The following RUNX3 variants were observed in gnomAD, a reference collection of about 807,000 sequenced individuals.
RUNX3 encodes RUNX family transcription factor 3.
RUNX3 carries 10 observed loss-of-function variants against 27.7 expected under a neutral mutation model. The ratio of observed to expected loss-of-function variants is 0.36; its 90% CI spans 0.22 to 0.61. RUNX3 has a LOEUF of 0.61. Ranked by LOEUF, RUNX3 falls within the 20% of genes least tolerant of loss-of-function variation. The pLI is 0.72. For missense variants in RUNX3, 469 were observed against 629.5 expected, an observed-to-expected ratio of 0.75 and a Z score of 2.73; for synonymous variants, 270 against 269.2, an observed-to-expected ratio of 1.00 and a Z score of -0.03.
chr1:24,917,854 CT>C (rs1447231082), intron 3 of RUNX3, among the ~76,000 whole-genome samples: 4 of 152,202 alleles, frequency 2.6e-5, no homozygotes, highest in African/African-American at 9.6e-5. Flanking sequence ...CACCTTGAGA[CT>C]CCTGGAGTCA....
intron 2 of RUNX3, among the ~76,000 whole-genome samples, chr1:24,947,654 G>T (rs1451273795): frequency 1.3e-5 from 2 of 152,196 alleles, no homozygotes; most frequent in African/African-American, 2.4e-5. Context: ...AGGAAGAAGA[G>T]GACAGAAATG....
intron 3 of RUNX3, among the ~76,000 whole-genome samples, chr1:24,908,040 C>A (rs951227550): frequency 1.3e-5 from 2 of 151,738 alleles, no homozygotes; most frequent in African/African-American, 4.9e-5. Flanking sequence ...CAACCACACG[C>A]GGTGATCCGA....
At chr1:24,955,802 C>T (rs1641905282) in intron 2 of RUNX3, among the ~76,000 whole-genome samples, 1 of 152,222 alleles carries the variant, frequency 6.6e-6, no homozygotes, top group Non-Finnish European at 1.5e-5. Flanking sequence ...CTCCACACAT[C>T]ACAGGAATGT....
In RUNX3 at chr1:24,902,742, C is replaced by T; in HGVS notation, c.704-76G>A. The T allele has an allele frequency of 7.6e-7, 1 of 1,321,624 alleles. No individual in the cohort carries two copies. The highest frequency in any genetic ancestry group is 1.0e-6 in the Non-Finnish European group (1 of 981,154). The allele number at this position is 1,321,624 out of a possible 1,614,324, so 81.9% of individuals were successfully genotyped here. Reference sequence around the variant, plus strand: ...GGGCTTCCTGAAGAATGACCTTGGGCTCTGGTTCCCAAGGCCCATCTGGGG... The same window carrying T: ...GGGCTTCCTGAAGAATGACCTTGGGTTCTGGTTCCCAAGGCCCATCTGGGG... On this transcript the variant is annotated intron_variant, in intron 4 of 4. Transcript: ENST00000308873. This position sits in a 1 kb window ranked among gnomAD's most constrained non-coding sequence, Gnocchi z 9.2.
intron 2 of RUNX3, among the ~76,000 whole-genome samples, chr1:24,925,245 C>T (rs1287500363): frequency 2.0e-5 from 3 of 152,080 alleles, no homozygotes; most frequent in East Asian, 1.9e-4. Context: ...CCAGCGGACC[C>T]GGCACCCTCC....
intron 2 of RUNX3, among the ~76,000 whole-genome samples, chr1:24,938,772 A>G (rs937964095): frequency 3.3e-5 from 5 of 152,148 alleles, no homozygotes; most frequent in East Asian, 3.9e-4. Flanking sequence ...TTCAGGACAC[A>G]ATGTTCTGTG....
intron 4 of RUNX3, among the ~76,000 whole-genome samples, chr1:24,903,835 T>G (rs1235313191): frequency 1.3e-5 from 2 of 152,228 alleles, no homozygotes; most frequent in Non-Finnish European, 2.9e-5. Context: ...ACTAGCTTTG[T>G]GTCCTTGGGC....
intron 3 of RUNX3, among the ~76,000 whole-genome samples, chr1:24,914,178 A>C (rs1185221930): frequency 2.0e-5 from 3 of 152,246 alleles, no homozygotes; most frequent in Non-Finnish European, 4.4e-5. Context: ...GCAAGAGGCC[A>C]GCTCAGTGTT....
Position 24,902,422 on chromosome 1 carries a change from CG to C in RUNX3, c.947del (p.Pro316ArgfsTer62). On this transcript the variant is annotated frameshift_variant, in exon 5 of 5. Coordinates refer to ENST00000308873, the MANE Select transcript of RUNX3 (RefSeq NM_004350.3). LOFTEE classifies it high-confidence loss of function. The surrounding 1 kb of genome is among the most constrained non-coding windows in gnomAD (Gnocchi z 9.2). ...CCTGGAAGGGCCCGCTCTGGTTCTG[CG>C]GGGCCCCCGGGTAGGGTGGCGGGAG... ...TYLPPPYPGAPQNQSGPFQAN... is the reference protein window; with the variant it reads ...TYLPPPYPGAXQNQSGPFQAN... 6.2e-7 allele frequency: 1 copy of C among 1,611,338 alleles called. No individual in the cohort carries two copies. The highest frequency in any genetic ancestry group is 8.5e-7 in the Non-Finnish European group (1 of 1,178,630).
At chr1:24,909,086 C>G (rs973691377) in intron 3 of RUNX3, among the ~76,000 whole-genome samples, 1 of 152,144 alleles carries the variant, frequency 6.6e-6, no homozygotes, top group Non-Finnish European at 1.5e-5. Flanking sequence ...GCCTCACATC[C>G]GAGGACTCAG....
rs148138167 is a variant in RUNX3 at position 24,950,946 on chromosome 1, G to A, written c.58+13568C>T. The stretch of plus-strand genomic sequence containing the variant: ...GCATAGGCCGGGCGTGGTGGCTCAC[G>A]CCTGTAATCCTAGCACCTTGGGAGG... On this transcript the variant is annotated intron_variant, in intron 2 of 6. Coordinates refer to the RUNX3 transcript ENST00000338888. Among the ~76,000 whole-genome samples, 639 of 152,228 alleles carry A rather than the reference G, an allele frequency of 4.2e-3. 19 individuals are homozygous for A. The highest frequency in any genetic ancestry group is 0.03 in the Admixed American group (462 of 15,292).
rs866881006 is a variant in RUNX3, at chr1:24,943,859, C to T, written c.59-14007G>A. ...GCACACAGGAAGTTCTTTTGAACAT[C>T]TAACCTGAATCCCTCGTTTGCAGGG... On this transcript the variant is annotated intron_variant, in intron 2 of 6. Transcript: ENST00000338888. The surrounding 1 kb of genome is among the most constrained non-coding windows in gnomAD (Gnocchi z 4.6). Among the ~76,000 whole-genome samples the T allele has an allele frequency of 3.3e-5, 5 of 152,236 alleles. No individual in the cohort carries two copies. Among genetic ancestry groups the T allele is most frequent in the African/African-American group, 1.2e-4 (5 of 41,458 alleles).
chr1:24,939,680 T>C (rs1279833406), intron 2 of RUNX3, among the ~76,000 whole-genome samples: 1 of 152,270 alleles, frequency 6.6e-6, no homozygotes, highest in Non-Finnish European at 1.5e-5. Context: ...ATGGACTTTC[T>C]GGGTGGTTTG....
At chr1:24,903,943 T>C (rs1382144490) in intron 4 of RUNX3, among the ~76,000 whole-genome samples, 1 of 152,208 alleles carries the variant, frequency 6.6e-6, no homozygotes. Context: ...GTACTTAGAA[T>C]GGCACTGGGC....
At chr1:24,954,676 G>A (rs1219951360) in intron 2 of RUNX3, among the ~76,000 whole-genome samples, 7 of 152,276 alleles carry the variant, frequency 4.6e-5, no homozygotes, top group Non-Finnish European at 7.4e-5. Flanking sequence ...CTAAGCCTTC[G>A]CCCTTGTCCT....
intron 1 of RUNX3, chr1:24,928,971 G>A (rs1334211848): frequency 4.5e-6 from 2 of 446,966 alleles, no homozygotes; most frequent in Admixed American, 2.5e-5. Flanking sequence ...CTACTCCCTG[G>A]CATAAAGAAA....
At position 24,916,509 on chromosome 1, in the gene RUNX3, C is replaced by A. The variant is rs1476116553; in HGVS notation, c.544+2731G>T. Among the ~76,000 whole-genome samples, 7 of 152,316 alleles carry A rather than the reference C, an allele frequency of 4.6e-5. No homozygotes were observed. The East Asian group carries it at 1.4e-3, about 29-fold the overall frequency. ...GAGATCAGTTACTGGGGACTTTGCA[C>A]AGGGCCTGACGCAAGGGAGGGGGTT... On this transcript the variant is annotated intron_variant, in intron 3 of 4. Coordinates refer to ENST00000308873, the MANE Select transcript of RUNX3 (RefSeq NM_004350.3). This position sits in a 1 kb window ranked among gnomAD's most constrained non-coding sequence, Gnocchi z 4.8.
In RUNX3 at chr1:24,902,697, A is replaced by C; in HGVS notation, c.704-31T>G. The C allele has an allele frequency of 6.7e-7, 1 of 1,495,242 alleles. No homozygotes were observed. The highest frequency in any genetic ancestry group is 8.9e-7 in the Non-Finnish European group (1 of 1,118,798). The allele number at this position is 1,495,242 out of a possible 1,614,324, so 92.6% of individuals were successfully genotyped here. On this transcript the variant is annotated intron_variant, in intron 4 of 4. Coordinates refer to ENST00000308873, the MANE Select transcript of RUNX3 (RefSeq NM_004350.3). This position sits in a 1 kb window ranked among gnomAD's most constrained non-coding sequence, Gnocchi z 9.2. Reference sequence around the variant, plus strand: ...GGACAGCAGGGAAGAGGTCAGTTCCAGCTCGAGACAACCCCAGGAGGGCTT... The same window carrying C: ...GGACAGCAGGGAAGAGGTCAGTTCCCGCTCGAGACAACCCCAGGAGGGCTT...
intron 2 of RUNX3, among the ~76,000 whole-genome samples, chr1:24,948,141 T>C (rs1328727133): frequency 6.6e-6 from 1 of 152,198 alleles, no homozygotes; most frequent in Non-Finnish European, 1.5e-5. Flanking sequence ...CAGGAGCTCG[T>C]GGCAGGTGTC....
Sources: gnomAD v4.1 joint callset for allele counts (sites outside exome capture counted in the v4.1 genomes callset) on GRCh38, gnomAD v4.1.1 for gene constraint, Gnocchi (gnomAD v3.1) non-coding constraint, MANE v1.5 for transcripts, NCBI Gene and HGNC (gene_info 2026-07-23, HGNC 2026-07-21) for gene names.